The following GOLIM4 variants were observed in gnomAD, a reference collection of about 807,000 sequenced individuals.
GOLIM4 encodes golgi integral membrane protein 4, also known as 130 kDa golgi-localized phosphoprotein.
A neutral mutation model predicts 107.4 loss-of-function variants in GOLIM4; 71 were observed. The observed-to-expected ratio is 0.66, with a 90% CI of 0.55 to 0.81. The LOEUF is 0.81. Among genes scored for constraint, GOLIM4 ranks in the 30% least tolerant of loss-of-function variants. The probability of loss-of-function intolerance (pLI) is 0.00; values close to 1 mark genes in which losing one functional copy is unlikely to be tolerated. For missense variants in GOLIM4, 830 were observed against 826.1 expected (o/e 1.00, Z -0.06); for synonymous variants, 327 against 294.8 (o/e 1.11, Z -1.12).
At position 168,045,718 on chromosome 3, in the gene GOLIM4, A is replaced by G. The variant is rs1308897474; in HGVS notation, c.313-837T>C. 3.3e-5 allele frequency among the ~76,000 whole-genome samples: 5 copies of G among 151,988 alleles called. No homozygotes were observed. In the East Asian group the frequency reaches 9.7e-4, roughly 29 times the overall value. ...AGTATACACTCATGCATTTTTTTTC[A>G]TATTTTTATTAAAAACTTCTAAAAT... On this transcript the variant is annotated intron_variant, in intron 3 of 15. Transcript: ENST00000470487.
intron 9 of GOLIM4, among the ~76,000 whole-genome samples, chr3:168,031,022 A>C (rs577100867): frequency 6.6e-6 from 1 of 152,258 alleles, no homozygotes; most frequent in Non-Finnish European, 1.5e-5. Context: ...GTCATAAAAA[A>C]GAATGAAATC....
chr3:168,010,344 G>C lies in GOLIM4; in HGVS notation c.2016C>G (p.His672Gln), dbSNP rs1294101088. 6.2e-7 allele frequency: 1 copy of C among 1,613,386 alleles called. No homozygotes were observed. The highest frequency in any genetic ancestry group is 8.5e-7 in the Non-Finnish European group (1 of 1,179,576). ...CTTCCTCCTCTTCTTCCTCCTCGTA[G>C]TGTTCCTCTCGGCCTTTGGGGCGGT... ...DDNRPKGREEHYEEEEEEEED... is the reference protein window; with the variant it reads ...DDNRPKGREEQYEEEEEEEED... The change falls in exon 16 of 16, where the codon CAC (histidine) becomes CAG (glutamine). Residue 672 changes from histidine to glutamine, a missense_variant. His to Gln is a conservative substitution (Grantham distance 24, BLOSUM62 0). Coordinates refer to ENST00000470487, the MANE Select transcript of GOLIM4 (RefSeq NM_014498.5).
intron 1 of GOLIM4, among the ~76,000 whole-genome samples, chr3:168,068,727 GTAAA>G (rs1237733802): frequency 6.6e-6 from 1 of 151,784 alleles, no homozygotes; most frequent in Admixed American, 6.6e-5. Flanking sequence ...CATTGATTCT[GTAAA>G]TAAAGAATAA....
At chr3:168,067,466 C>T (rs1416679101) in intron 1 of GOLIM4, among the ~76,000 whole-genome samples, 1 of 147,564 alleles carries the variant, frequency 6.8e-6, no homozygotes, top group Non-Finnish European at 1.5e-5. Context: ...ACAAAAAGAG[C>T]AAAAACCAAC....
chr3:168,027,623 A>G, intron 12 of GOLIM4, 105 bp downstream of exon 12: 2 of 735,726 alleles, frequency 2.7e-6, no homozygotes, highest in South Asian at 3.2e-5. Flanking sequence ...GGCTGAGGAT[A>G]TAACAGAAAT....
At chr3:168,073,710 T>C (rs1188562219) in intron 1 of GOLIM4, among the ~76,000 whole-genome samples, 1 of 152,208 alleles carries the variant, frequency 6.6e-6, no homozygotes, top group Non-Finnish European at 1.5e-5. Context: ...ACTATTATCA[T>C]TTTTCTGCTT....
chr3:168,010,703 A>G lies in GOLIM4; in HGVS notation c.1941+40T>C, dbSNP rs745943112. 1.4e-5 allele frequency: 20 copies of G among 1,410,030 alleles called. No homozygotes were observed. In the Admixed American group the frequency reaches 3.2e-4, roughly 22 times the overall value. The allele number at this position is 1,410,030 out of a possible 1,614,324, so 87.3% of individuals were successfully genotyped here. A position where few individuals can be genotyped will look rare whatever the true frequency, so the allele number is the denominator to read the frequency against. On this transcript the variant is annotated intron_variant, in intron 15 of 15. Transcript: ENST00000470487. ...CTCCTATACACATGCACACCCACAA[A>G]CACTCAAGTGCTCAATAGAAATATG...
intron 14 of GOLIM4, among the ~76,000 whole-genome samples, chr3:168,017,351 C>T (rs1335912770): frequency 1.3e-5 from 2 of 152,056 alleles, no homozygotes; most frequent in African/African-American, 4.8e-5. Context: ...ATTAGCTGGG[C>T]CTAGTGGTGC....
intron 12 of GOLIM4, among the ~76,000 whole-genome samples, chr3:168,025,627 T>A (rs1717952513): frequency 6.6e-6 from 1 of 152,138 alleles, no homozygotes; most frequent in African/African-American, 2.4e-5. Context: ...AAAAGGCTAA[T>A]TCAAAAGGAA....
intron 11 of GOLIM4, among the ~76,000 whole-genome samples, chr3:168,028,772 G>A (rs189938660): frequency 2.6e-4 from 40 of 152,302 alleles, no homozygotes; most frequent in Non-Finnish European, 5.3e-4. Flanking sequence ...GTGCCAGAGA[G>A]ACAGTAAGTT....
At chr3:168,043,227 C>T (rs901804665) in intron 5 of GOLIM4, 152 bp downstream of exon 5, 21 of 580,478 alleles carry the variant, frequency 3.6e-5, no homozygotes, top group Non-Finnish European at 5.1e-5. Context: ...GATGAAGATA[C>T]ATGTGAAACA....
chr3:168,025,191 G>C (rs998260765), intron 12 of GOLIM4, 96 bp from the exon 13 acceptor site: 9 of 936,306 alleles, frequency 9.6e-6, no homozygotes, highest in Non-Finnish European at 1.3e-5. Flanking sequence ...AAATGAAATT[G>C]TCCTTCCCTC....
At chr3:168,069,134 G>T (rs1254508073) in intron 1 of GOLIM4, among the ~76,000 whole-genome samples, 2 of 152,068 alleles carry the variant, frequency 1.3e-5, no homozygotes, top group Non-Finnish European at 2.9e-5. Flanking sequence ...TGCCCGGCCT[G>T]CACTTTTAAA....
intron 1 of GOLIM4, among the ~76,000 whole-genome samples, chr3:168,074,784 T>C (rs2108281996): frequency 6.6e-6 from 1 of 152,214 alleles, no homozygotes; most frequent in South Asian, 2.1e-4. Flanking sequence ...CTTGGGAAGA[T>C]CCTAGATATG....
chr3:168,040,488 A>G (rs576464474), intron 7 of GOLIM4, among the ~76,000 whole-genome samples: 2 of 152,370 alleles, frequency 1.3e-5, no homozygotes, highest in East Asian at 1.9e-4. Flanking sequence ...AGATAGTTGC[A>G]AAAGACTATA....
At chr3:168,024,798 TA>T in intron 13 of GOLIM4, 129 bp downstream of exon 13, 2 of 922,658 alleles carry the variant, frequency 2.2e-6, no homozygotes, top group Non-Finnish European at 1.7e-6. Context: ...TATCATGTCA[TA>T]AAGTGGCCTA....
intron 1 of GOLIM4, among the ~76,000 whole-genome samples, chr3:168,069,764 T>C (rs191609394): frequency 5.5e-3 from 590 of 108,162 alleles, no homozygotes; most frequent in Non-Finnish European, 7.4e-3. Context: ...ATAAGAGAAA[T>C]AAAAATGCCT....
At chr3:168,015,363 A>G (rs1717303061) in intron 14 of GOLIM4, among the ~76,000 whole-genome samples, 2 of 148,634 alleles carry the variant, frequency 1.3e-5, no homozygotes, top group Admixed American at 1.3e-4. Flanking sequence ...AAGGAGAACT[A>G]CAAACCACTG....
chr3:168,033,480 G>A (rs1355244697), intron 8 of GOLIM4, among the ~76,000 whole-genome samples: 2 of 151,198 alleles, frequency 1.3e-5, no homozygotes, highest in African/African-American at 2.4e-5. Context: ...GGTGGCGGGC[G>A]CCTGTAGTCC....
Sources: gnomAD v4.1 joint callset for allele counts (sites outside exome capture counted in the v4.1 genomes callset) on GRCh38, gnomAD v4.1.1 for gene constraint, MANE v1.5 for transcripts, NCBI Gene and HGNC (gene_info 2026-07-23, HGNC 2026-07-21) for gene names.